TNKS: variants seen among roughly 807,000 people sequenced by gnomAD.
TNKS encodes the protein poly [ADP-ribose] polymerase tankyrase-1.
A neutral mutation model predicts 135.8 loss-of-function variants in TNKS; 72 were observed. The observed-to-expected ratio is 0.53, with a 90% CI of 0.44 to 0.64. The LOEUF is 0.64. Ranked by LOEUF, TNKS falls within the 30% of genes least tolerant of loss-of-function variation. The pLI is 0.00. For synonymous variants in TNKS, 849 were observed against 649.3 expected (o/e 1.31, Z -4.68); for missense variants, 1,769 against 1,674.0 (o/e 1.06, Z -0.99).
rs77670590 is a variant in TNKS, at chr8:9,701,793, G to T, written c.1108-2870G>T. ...TGAGGAGATGAAATTGGGAGTTTGG[G>T]GAGACTAAGGTGGAAGGAGTTAGCA... On this transcript the variant is annotated intron_variant, in intron 5 of 26. Coordinates refer to ENST00000310430, the MANE Select transcript of TNKS (RefSeq NM_003747.3). Among the ~76,000 whole-genome samples the T allele has an allele frequency of 8.3e-3, 1,270 of 152,274 alleles. 113 individuals carry two copies. The East Asian group carries it at 0.2, about 24-fold the overall frequency.
intron 1 of TNKS, among the ~76,000 whole-genome samples, chr8:9,574,096 T>G (rs12545798): frequency 0.02 from 3,004 of 152,324 alleles, 48 homozygotes; most frequent in East Asian, 0.042. Flanking sequence ...TTAGGCTATG[T>G]GTTAGGAATT....
At chr8:9,591,440 C>T (rs750462258) in intron 2 of TNKS, among the ~76,000 whole-genome samples, 2 of 152,106 alleles carry the variant, frequency 1.3e-5, no homozygotes, top group Admixed American at 1.3e-4. Flanking sequence ...TGGATGGATC[C>T]CTGAGAGTGG....
In TNKS at chr8:9,667,588, AT is replaced by A. The variant is rs780875319; in HGVS notation, c.995-12361del. On this transcript the variant is annotated intron_variant, in intron 3 of 26. Transcript: ENST00000310430. ...TCAGAACTGTCTTGTCTTTGTTGTGATTATTGTGTATGATTGCATTTTATCC... is the reference window on the plus strand; with the variant it reads ...TCAGAACTGTCTTGTCTTTGTTGTGATATTGTGTATGATTGCATTTTATCC... Among the ~76,000 whole-genome samples the A allele has an allele frequency of 1.7e-3, 265 of 152,292 alleles. 1 individual carries two copies. The highest frequency in any genetic ancestry group is 3.0e-3 in the Non-Finnish European group (207 of 68,024).
intron 2 of TNKS, among the ~76,000 whole-genome samples, chr8:9,594,299 C>T (rs1001405162): frequency 6.6e-6 from 1 of 152,206 alleles, no homozygotes; most frequent in African/African-American, 2.4e-5. Context: ...AGAAAATATA[C>T]TGATGATAAC....
rs773935884 is a variant in TNKS at position 9,555,958 on chromosome 8, T to G, written c.19T>G (p.Ser7Ala). 3 of 1,612,832 alleles carry G rather than the reference T, an allele frequency of 1.9e-6. No homozygotes were observed. MAASRR[S>A]QHHHHHHQQQ... is the part of the protein sequence containing the mutation. Reference sequence around the variant, plus strand: ...TCCGAAGATGGCGGCGTCGCGTCGCTCTCAGCATCATCACCACCATCATCA... The same window carrying G: ...TCCGAAGATGGCGGCGTCGCGTCGCGCTCAGCATCATCACCACCATCATCA... Residue 7 changes from serine (S) to alanine (A), a missense_variant, in exon 1 of 27, where the codon TCT becomes GCT. Physicochemically the swap from Ser to Ala is moderately conservative, Grantham distance 99 (BLOSUM62 1). Coordinates refer to ENST00000310430, the MANE Select transcript of TNKS (RefSeq NM_003747.3).
At chr8:9,712,773 C>T (rs1804403921) in intron 11 of TNKS, among the ~76,000 whole-genome samples, 1 of 151,926 alleles carries the variant, frequency 6.6e-6, no homozygotes, top group African/African-American at 2.4e-5. Context: ...TCCTGTAGTC[C>T]CAGCTACTCG....
chr8:9,636,757 A>C (rs117313678), intron 3 of TNKS, among the ~76,000 whole-genome samples: 1 of 152,192 alleles, frequency 6.6e-6, no homozygotes, highest in Non-Finnish European at 1.5e-5. Context: ...CTTTCACTTC[A>C]CTCTTTGAGA....
chr8:9,670,719 C>G (rs1167114794), intron 3 of TNKS: 1 of 152,074 alleles, frequency 6.6e-6, no homozygotes, highest in Admixed American at 6.6e-5. Context: ...GTTCCTCTTG[C>G]TTTTTAGAAA....
chr8:9,765,151 A>T lies in TNKS; in HGVS notation c.3447+361A>T, dbSNP rs191586169. On this transcript the variant is annotated intron_variant, in intron 23 of 26. Coordinates refer to ENST00000310430, the MANE Select transcript of TNKS (RefSeq NM_003747.3). ...ATCAAAGTCCTGGATCTTCAATCTA[A>T]TTGAACCAGTAATTACCTCAGAATA... Among the ~76,000 whole-genome samples, 3 of 152,318 alleles carry T rather than the reference A, an allele frequency of 2.0e-5. No individual in the cohort carries two copies. In the East Asian group the frequency reaches 5.8e-4, roughly 29 times the overall value.
chr8:9,683,139 AC>A (rs1390837852), intron 5 of TNKS, among the ~76,000 whole-genome samples: 1 of 152,088 alleles, frequency 6.6e-6, no homozygotes, highest in Non-Finnish European at 1.5e-5. Context: ...CATTTACGGC[AC>A]AGAGTAATTC....
intron 20 of TNKS, among the ~76,000 whole-genome samples, chr8:9,756,702 C>T (rs534499714): frequency 1.3e-5 from 2 of 152,248 alleles, no homozygotes; most frequent in East Asian, 3.9e-4. Flanking sequence ...TCATAGTTAC[C>T]CAGCTACAGA....
At chr8:9,637,156 A>G (rs1449719543) in intron 3 of TNKS, among the ~76,000 whole-genome samples, 2 of 152,222 alleles carry the variant, frequency 1.3e-5, no homozygotes, top group African/African-American at 4.8e-5. Context: ...AATTTCTCTT[A>G]AAAGAAGTAA....
chr8:9,556,662 G>A (rs770459372), intron 1 of TNKS, 50 bp downstream of exon 1: 2 of 1,604,194 alleles, frequency 1.2e-6, no homozygotes, highest in Admixed American at 1.7e-5. Context: ...TGGGTGCAGG[G>A]TCCGGTTAGG....
chr8:9,616,000 G>T (rs1799631662), intron 3 of TNKS, among the ~76,000 whole-genome samples: 1 of 152,096 alleles, frequency 6.6e-6, no homozygotes, highest in African/African-American at 2.4e-5. Flanking sequence ...TTACTGTTGA[G>T]CAAGCAAGGG....
intron 2 of TNKS, among the ~76,000 whole-genome samples, chr8:9,588,474 C>T (rs1363716130): frequency 6.6e-6 from 1 of 152,140 alleles, no homozygotes; most frequent in Non-Finnish European, 1.5e-5. Context: ...TACAGGATTT[C>T]ACCATGTTAG....
intron 26 of TNKS, among the ~76,000 whole-genome samples, chr8:9,772,829 G>GTC (rs753942783): frequency 9.3e-5 from 4 of 43,242 alleles, no homozygotes; most frequent in South Asian, 7.9e-4. Context: ...GTGTGTGTGT[G>GTC]TCTGTGTGTG....
rs147474471 is a variant in TNKS at position 9,622,093 on chromosome 8, G to A, written c.994+6416G>A. Reference sequence around the variant, plus strand: ...GAAAATTTAAAGTTTTATATTAAACGTGGTTGAAAGACTTTTTTGAAATTT... The same window carrying A: ...GAAAATTTAAAGTTTTATATTAAACATGGTTGAAAGACTTTTTTGAAATTT... On this transcript the variant is annotated intron_variant, in intron 3 of 26. Coordinates refer to ENST00000310430, the MANE Select transcript of TNKS (RefSeq NM_003747.3). 2.2e-3 allele frequency among the ~76,000 whole-genome samples: 332 copies of A among 152,232 alleles called. 1 individual carries two copies. Among genetic ancestry groups the A allele is most frequent in the African/African-American group, 7.6e-3 (315 of 41,544 alleles).
At chr8:9,662,385 C>A (rs1316818176) in intron 3 of TNKS, among the ~76,000 whole-genome samples, 1 of 152,226 alleles carries the variant, frequency 6.6e-6, no homozygotes, top group East Asian at 1.9e-4. Flanking sequence ...GAAAATGTGG[C>A]ACATATACAC....
intron 1 of TNKS, among the ~76,000 whole-genome samples, chr8:9,579,713 C>T (rs190223355): frequency 6.6e-6 from 1 of 152,268 alleles, no homozygotes. Flanking sequence ...AGGTGACCCG[C>T]CCACCTCGGC....
Sources: allele counts gnomAD v4.1 joint callset (sites outside exome capture counted in the v4.1 genomes callset), GRCh38; gene constraint gnomAD v4.1.1; transcripts MANE v1.5; gene names NCBI Gene and HGNC (gene_info 2026-07-23, HGNC 2026-07-21).